The following RALGAPA2 variants were observed in gnomAD, a reference collection of about 807,000 sequenced individuals.
The protein encoded by RALGAPA2 is ral GTPase-activating protein subunit alpha-2.
RALGAPA2 carries 139 observed loss-of-function variants against 230.4 expected under a neutral mutation model. The ratio of observed to expected loss-of-function variants is 0.60; its 90% CI spans 0.53 to 0.69. The LOEUF is 0.69. RALGAPA2 is among the 30% of genes least tolerant of loss of function. The pLI, the probability that RALGAPA2 is intolerant of heterozygous loss-of-function variation, is 0.00. For missense variants in RALGAPA2, 2,163 were observed against 2,276.0 expected (o/e 0.95, Z 1.01); for synonymous variants, 847 against 837.8 (o/e 1.01, Z -0.19).
At chr20:20,543,297 G>A (rs1030402349) in intron 24 of RALGAPA2, among the ~76,000 whole-genome samples, 4 of 152,004 alleles carry the variant, frequency 2.6e-5, no homozygotes, top group Admixed American at 1.3e-4. Flanking sequence ...TGTCTGCCCC[G>A]GCCTCCTAAA....
intron 1 of RALGAPA2, among the ~76,000 whole-genome samples, chr20:20,700,769 G>C (rs1476859778): frequency 6.6e-6 from 1 of 152,206 alleles, no homozygotes; most frequent in Non-Finnish European, 1.5e-5. Flanking sequence ...GGATTGGTCT[G>C]ATAATGAATG....
At chr20:20,675,989 T>G (rs1018237541) in intron 3 of RALGAPA2, among the ~76,000 whole-genome samples, 14 of 152,162 alleles carry the variant, frequency 9.2e-5, no homozygotes, top group Admixed American at 5.9e-4. Context: ...TACTCCTCCA[T>G]CTAATAATTT....
At chr20:20,474,161 A>AAG (rs767399288) in intron 36 of RALGAPA2, among the ~76,000 whole-genome samples, 26 of 152,064 alleles carry the variant, frequency 1.7e-4, no homozygotes, top group Non-Finnish European at 3.7e-4. Flanking sequence ...CATTTCAGTA[A>AAG]AGGCCTAAAG....
chr20:20,456,118 A>T (rs1355402307), intron 37 of RALGAPA2, among the ~76,000 whole-genome samples: 3 of 152,254 alleles, frequency 2.0e-5, no homozygotes, highest in African/African-American at 7.2e-5. Flanking sequence ...TCTTTTCAGT[A>T]TCCATATTAA....
At chr20:20,645,314 G>C (rs776131183) in intron 4 of RALGAPA2, among the ~76,000 whole-genome samples, 1 of 151,648 alleles carries the variant, frequency 6.6e-6, no homozygotes, top group Non-Finnish European at 1.5e-5. Flanking sequence ...GGGTTTCACC[G>C]TGTTAGCCAG....
At chr20:20,395,373 C>T (rs896397684) in intron 39 of RALGAPA2, among the ~76,000 whole-genome samples, 6 of 152,238 alleles carry the variant, frequency 3.9e-5, no homozygotes, top group African/African-American at 1.2e-4. Context: ...TGATATGACA[C>T]GTCCACTCGC....
chr20:20,411,883 T>C, intron 38 of RALGAPA2, 144 bp downstream of exon 38: 12 of 1,089,210 alleles, frequency 1.1e-5, no homozygotes, highest in Non-Finnish European at 1.6e-5. Context: ...ATGAATGTCA[T>C]CATTCCTTTT....
intron 13 of RALGAPA2, among the ~76,000 whole-genome samples, chr20:20,612,302 G>A (rs1017544761): frequency 6.6e-6 from 1 of 152,124 alleles, no homozygotes; most frequent in African/African-American, 2.4e-5. Flanking sequence ...TGTTCCTCGA[G>A]GGAAATCACT....
chr20:20,694,905 A>C (rs1179514922), intron 1 of RALGAPA2, among the ~76,000 whole-genome samples: 2 of 152,126 alleles, frequency 1.3e-5, no homozygotes, highest in Non-Finnish European at 2.9e-5. Flanking sequence ...TACCTAAATT[A>C]TTTTTCATAT....
At chr20:20,579,672 T>G (rs1423011954) in intron 20 of RALGAPA2, among the ~76,000 whole-genome samples, 1 of 152,218 alleles carries the variant, frequency 6.6e-6, no homozygotes, top group Non-Finnish European at 1.5e-5. Context: ...AAAAGACGTT[T>G]TCTTCCAAAA....
chr20:20,476,535 A>G (rs572211315), intron 36 of RALGAPA2, among the ~76,000 whole-genome samples: 13 of 152,098 alleles, frequency 8.5e-5, no homozygotes, highest in African/African-American at 3.1e-4. Flanking sequence ...TTCATCTCAT[A>G]TCACACACAA....
intron 37 of RALGAPA2, among the ~76,000 whole-genome samples, chr20:20,435,813 A>T (rs1393285152): frequency 6.6e-6 from 1 of 152,244 alleles, no homozygotes; most frequent in Non-Finnish European, 1.5e-5. Flanking sequence ...TGCCACAGGC[A>T]GGAACTGCAC....
At position 20,605,158 on chromosome 20, in the gene RALGAPA2, T is replaced by G; in HGVS notation, c.2038+17A>C. On this transcript the variant is annotated intron_variant, in intron 15 of 39. Transcript: ENST00000202677. ...CAGTCCTAGACATCTGGTGTTAACC[T>G]GGAAGAGTGGAAATACCTTTGCCTC... 6.4e-7 allele frequency: 1 copy of G among 1,567,686 alleles called. No homozygotes were observed. Among genetic ancestry groups the G allele is most frequent in the East Asian group, 2.3e-5 (1 of 44,162 alleles).
intron 10 of RALGAPA2, among the ~76,000 whole-genome samples, chr20:20,623,517 A>T (rs1041446074): frequency 5.3e-5 from 8 of 151,318 alleles, no homozygotes; most frequent in African/African-American, 1.7e-4. Context: ...AAAAAAAAAC[A>T]AATCCACAAT....
At chr20:20,588,534 G>A (rs184584155) in intron 18 of RALGAPA2, among the ~76,000 whole-genome samples, 3 of 152,244 alleles carry the variant, frequency 2.0e-5, no homozygotes, top group Non-Finnish European at 4.4e-5. Context: ...AGGAAGGAGT[G>A]TAGAAGCCAA....
intron 16 of RALGAPA2, among the ~76,000 whole-genome samples, chr20:20,599,236 T>C (rs988210920): frequency 6.6e-6 from 1 of 152,214 alleles, no homozygotes; most frequent in African/African-American, 2.4e-5. Flanking sequence ...GAGAGCTGAC[T>C]GTATTCAAAA....
chr20:20,650,427 T>C (rs1485632813), intron 4 of RALGAPA2, among the ~76,000 whole-genome samples: 1 of 152,210 alleles, frequency 6.6e-6, no homozygotes, highest in Non-Finnish European at 1.5e-5. Context: ...TTATTTTAGG[T>C]TTCTCTGCTT....
At chr20:20,601,947 CA>C in intron 15 of RALGAPA2, 101 bp from the exon 16 acceptor site, 15 of 1,069,584 alleles carry the variant, frequency 1.4e-5, no homozygotes, top group Non-Finnish European at 1.9e-5. Context: ...TATATATAAT[CA>C]GCAGGTTTCC....
chr20:20,642,925 T>G (rs1304271347), intron 5 of RALGAPA2, among the ~76,000 whole-genome samples: 1 of 152,198 alleles, frequency 6.6e-6, no homozygotes, highest in African/African-American at 2.4e-5. Context: ...TTTTCTGCCA[T>G]TTATGTTTTA....
Sources: allele counts gnomAD v4.1 joint callset (sites outside exome capture counted in the v4.1 genomes callset), GRCh38; gene constraint gnomAD v4.1.1; transcripts MANE v1.5; gene names NCBI Gene and HGNC (gene_info 2026-07-23, HGNC 2026-07-21).